The following PIGK variants were observed in gnomAD, a reference collection of about 807,000 sequenced individuals.
PIGK encodes the protein GPI-anchor transamidase.
Under a neutral mutation model 50.6 loss-of-function variants are expected in PIGK, and 42 were observed. The ratio of observed to expected loss-of-function variants is 0.83; its 90% CI spans 0.65 to 1.07. PIGK has a LOEUF of 1.07. Ranked by LOEUF, PIGK falls within the 50% of genes least tolerant of loss-of-function variation. PIGK has a pLI of 0.00. For synonymous variants in PIGK, 151 were observed against 156.0 expected (o/e 0.97, Z 0.24); for missense variants, 448 against 488.7 (o/e 0.92, Z 0.78).
intron 9 of PIGK, among the ~76,000 whole-genome samples, chr1:77,137,807 T>C (rs148903507): frequency 1.4e-4 from 21 of 152,332 alleles, no homozygotes; most frequent in Non-Finnish European, 2.8e-4. Flanking sequence ...TTTCACCATG[T>C]TGGCCAGGCT....
intron 3 of PIGK, among the ~76,000 whole-genome samples, chr1:77,189,701 A>G (rs1210468035): frequency 3.3e-4 from 4 of 12,184 alleles, no homozygotes; most frequent in East Asian, 3.8e-3. Flanking sequence ...ACTCATATAT[A>G]TATATATATA....
intron 3 of PIGK, among the ~76,000 whole-genome samples, chr1:77,185,943 T>C (rs1655728566): frequency 6.6e-6 from 1 of 152,204 alleles, no homozygotes; most frequent in African/African-American, 2.4e-5. Flanking sequence ...AACATTTGAC[T>C]ATGTGTCATC....
At chr1:77,139,679 C>A (rs1460864042) in intron 9 of PIGK, among the ~76,000 whole-genome samples, 2 of 152,116 alleles carry the variant, frequency 1.3e-5, no homozygotes, top group Non-Finnish European at 2.9e-5. Context: ...TGGAAGAAGC[C>A]AGCAATGCTA....
chr1:77,147,185 A>G (rs1654789091), intron 9 of PIGK, among the ~76,000 whole-genome samples: 1 of 152,188 alleles, frequency 6.6e-6, no homozygotes, highest in Admixed American at 6.5e-5. Flanking sequence ...GAAGCCCCTT[A>G]TAAAGCCATC....
At chr1:77,160,304 A>G (rs370222666) in intron 8 of PIGK, among the ~76,000 whole-genome samples, 1 of 152,210 alleles carries the variant, frequency 6.6e-6, no homozygotes, top group East Asian at 1.9e-4. Context: ...ACCCAGGCCC[A>G]GGTATTTCTT....
chr1:77,154,280 T>C, intron 9 of PIGK, 169 bp downstream of exon 9: 1 of 580,732 alleles, frequency 1.7e-6, no homozygotes, highest in Admixed American at 3.3e-5. Context: ...ATATTGATAG[T>C]TTTTACATAT....
intron 3 of PIGK, among the ~76,000 whole-genome samples, chr1:77,195,707 C>A (rs1427890404): frequency 2.0e-5 from 3 of 152,102 alleles, no homozygotes; most frequent in East Asian, 3.9e-4. Flanking sequence ...CGTCTGTACA[C>A]AAGTCATCAC....
intron 3 of PIGK, among the ~76,000 whole-genome samples, chr1:77,178,980 G>A (rs1022672991): frequency 3.4e-4 from 51 of 152,210 alleles, no homozygotes; most frequent in Non-Finnish European, 4.9e-4. Flanking sequence ...TTTTTTAAAA[G>A]TTATGGGTGG....
At chr1:77,108,166 T>C (rs1388290188) in intron 10 of PIGK, among the ~76,000 whole-genome samples, 2 of 152,254 alleles carry the variant, frequency 1.3e-5, no homozygotes, top group African/African-American at 4.8e-5. Context: ...CGTTAGTTGA[T>C]GCAGTTTCTT....
chr1:77,122,047 T>C (rs1367340067), intron 10 of PIGK, among the ~76,000 whole-genome samples: 5 of 152,198 alleles, frequency 3.3e-5, no homozygotes, highest in Non-Finnish European at 7.4e-5. Context: ...CCTTATTTTA[T>C]CCCATATTTT....
intron 10 of PIGK, among the ~76,000 whole-genome samples, chr1:77,112,370 A>C (rs1198618777): frequency 1.3e-5 from 2 of 152,026 alleles, no homozygotes; most frequent in Non-Finnish European, 2.9e-5. Context: ...CATGAGGCTG[A>C]AGGGAACTGT....
At chr1:77,184,942 T>A (rs556801575) in intron 3 of PIGK, among the ~76,000 whole-genome samples, 1 of 152,034 alleles carries the variant, frequency 6.6e-6, no homozygotes, top group East Asian at 1.9e-4. Context: ...GGGTGGTGAG[T>A]CCTACCACAT....
chr1:77,193,359 T>C (rs768387511), intron 3 of PIGK, among the ~76,000 whole-genome samples: 2 of 151,878 alleles, frequency 1.3e-5, no homozygotes, highest in African/African-American at 2.4e-5. Flanking sequence ...GAGCAGAATA[T>C]CCACCTTTGC....
At chr1:77,112,884 C>T (rs1246634542) in intron 10 of PIGK, among the ~76,000 whole-genome samples, 2 of 152,098 alleles carry the variant, frequency 1.3e-5, no homozygotes, top group African/African-American at 2.4e-5. Context: ...AACAATCCTC[C>T]AGCAAAGCAT....
chr1:77,182,763 G>A (rs1655649933), intron 3 of PIGK, among the ~76,000 whole-genome samples: 1 of 152,096 alleles, frequency 6.6e-6, no homozygotes, highest in Non-Finnish European at 1.5e-5. Context: ...TAATAGTATG[G>A]AGAACACTGA....
chr1:77,216,468 T>C (rs1656567946), intron 1 of PIGK, among the ~76,000 whole-genome samples: 2 of 152,180 alleles, frequency 1.3e-5, no homozygotes, highest in Non-Finnish European at 2.9e-5. Context: ...GAAATTACTA[T>C]GGCTAGGATA....
intron 9 of PIGK, among the ~76,000 whole-genome samples, chr1:77,128,209 G>A (rs1391018540): frequency 6.6e-6 from 1 of 152,066 alleles, no homozygotes; most frequent in African/African-American, 2.4e-5. Flanking sequence ...TGTGAGAGAA[G>A]ATATGAAAAT....
intron 9 of PIGK, among the ~76,000 whole-genome samples, chr1:77,127,040 G>A (rs1203182456): frequency 6.6e-6 from 1 of 152,024 alleles, no homozygotes; most frequent in African/African-American, 2.4e-5. Flanking sequence ...TAGAGATTTT[G>A]TAGAAGACAA....
chr1:77,129,470 G>A, intron 9 of PIGK: 1 of 1,472,796 alleles, frequency 6.8e-7, no homozygotes, highest in South Asian at 1.1e-5. Flanking sequence ...ATATCCAAGT[G>A]AACAAAGCAC....
Sources: gnomAD v4.1 joint callset for allele counts (sites outside exome capture counted in the v4.1 genomes callset) on GRCh38, gnomAD v4.1.1 for gene constraint, MANE v1.5 for transcripts, NCBI Gene and HGNC (gene_info 2026-07-23, HGNC 2026-07-21) for gene names.